Variants in SLC19A1 observed in about 807,000 individuals in gnomAD.
The protein encoded by SLC19A1 is solute carrier family 19 member 1, also known as reduced folate transporter.
SLC19A1 carries 37 observed loss-of-function variants against 35.3 expected under a neutral mutation model. The observed-to-expected ratio is 1.05, with a 90% CI of 0.81 to 1.38. The LOEUF (loss-of-function observed/expected upper bound fraction) is 1.38, where lower values mean the gene tolerates loss of function less well. Ranked by LOEUF, SLC19A1 falls within the 40% of genes most tolerant of loss-of-function variation. SLC19A1 has a pLI of 0.00. For missense variants in SLC19A1, 831 were observed against 826.9 expected (o/e 1.00, Z -0.06); for synonymous variants, 460 against 398.5 (o/e 1.15, Z -1.84).
At chr21:45,555,203 GCA>G (rs1326256719) in intron 1 of SLC19A1, among the ~76,000 whole-genome samples, 1 of 35,848 alleles carries the variant, frequency 2.8e-5, no homozygotes, top group Non-Finnish European at 5.2e-5. Context: ...CGGGGGCGGC[GCA>G]GGGGGCGGTG....
At chr21:45,539,513 C>T (rs532754687) in intron 1 of SLC19A1, among the ~76,000 whole-genome samples, 4 of 152,190 alleles carry the variant, frequency 2.6e-5, no homozygotes, top group African/African-American at 7.2e-5. Context: ...GAGCATCCCT[C>T]GATGTGGGGC....
intron 4 of SLC19A1, among the ~76,000 whole-genome samples, chr21:45,528,050 C>T (rs2146316955): frequency 6.6e-6 from 1 of 150,984 alleles, no homozygotes; most frequent in East Asian, 2.0e-4. Context: ...GGTGTCTGTG[C>T]TGCTGGGCAC....
intron 1 of SLC19A1, among the ~76,000 whole-genome samples, chr21:45,552,587 C>T (rs567982169): frequency 4.6e-5 from 7 of 152,324 alleles, no homozygotes; most frequent in South Asian, 2.1e-4. Context: ...TGCTATAATC[C>T]GCAGTCACCA....
downstream of SLC19A1, chr21:45,507,620 T>C: frequency 7.5e-6 from 12 of 1,610,128 alleles, no homozygotes; most frequent in Non-Finnish European, 1.0e-5. Context: ...CTGTTGAGAC[T>C]GGTGGGTGGT....
chr21:45,535,024 G>A (rs766027441), intron 2 of SLC19A1, among the ~76,000 whole-genome samples: 5 of 152,276 alleles, frequency 3.3e-5, no homozygotes, highest in Non-Finnish European at 7.3e-5. Flanking sequence ...AGGTGGGCAA[G>A]GCCCGAAGGC....
chr21:45,553,083 T>C (rs763303435), intron 1 of SLC19A1, among the ~76,000 whole-genome samples: 2 of 152,054 alleles, frequency 1.3e-5, no homozygotes, highest in Non-Finnish European at 2.9e-5. Flanking sequence ...GTGGCCAGGC[T>C]CAGGGCTGGG....
chr21:45,514,042 G>A lies in SLC19A1; in HGVS notation c.*1616C>T, dbSNP rs922866376. ...TCCTGACAGCCATCCCTGTCCTGGT[G>A]GACGGGTGAGTGCAGGACTCAGAGG... On this transcript the variant is annotated 3_prime_UTR_variant, in exon 6 of 6. Coordinates refer to ENST00000311124, the MANE Select transcript of SLC19A1 (RefSeq NM_194255.4). The A allele has an allele frequency of 6.6e-6, 1 of 152,416 alleles. No individual in the cohort carries two copies. The highest frequency in any genetic ancestry group is 2.4e-5 in the African/African-American group (1 of 41,460). 9.4% of individuals were successfully genotyped at this position (152,416 alleles called of 1,614,324 possible).
intron 1 of SLC19A1, among the ~76,000 whole-genome samples, chr21:45,559,674 C>T (rs1371255417): frequency 6.6e-6 from 1 of 152,220 alleles, no homozygotes; most frequent in East Asian, 1.9e-4. Context: ...CGCGAGTTTT[C>T]TCACTTACTG....
chr21:45,510,015 G>A (rs765508151), downstream of SLC19A1: 6 of 1,529,822 alleles, frequency 3.9e-6, no homozygotes, highest in Admixed American at 2.0e-5. Context: ...GGGCCTGGGT[G>A]CAGGGGGCAG....
In SLC19A1 at chr21:45,514,480, C is replaced by T. The variant is rs1015760201; in HGVS notation, c.*1178G>A. Reference sequence around the variant, plus strand: ...GCCCCTCCCCAGCCAGAGATTCTCTCCCCAGCTCTCCGTGCTGAGCAGCCA... The same window carrying T: ...GCCCCTCCCCAGCCAGAGATTCTCTTCCCAGCTCTCCGTGCTGAGCAGCCA... On this transcript the variant is annotated 3_prime_UTR_variant, in exon 6 of 6. Coordinates refer to ENST00000311124, the MANE Select transcript of SLC19A1 (RefSeq NM_194255.4). 7.1e-6 allele frequency: 1 copy of T among 141,294 alleles called. No individual in the cohort carries two copies. Among genetic ancestry groups the T allele is most frequent in the Non-Finnish European group, 1.5e-5 (1 of 65,670 alleles). 8.8% of individuals were successfully genotyped at this position (141,294 alleles called of 1,614,324 possible).
At chr21:45,519,214 C>T (rs1431317138) in intron 5 of SLC19A1, among the ~76,000 whole-genome samples, 1 of 151,916 alleles carries the variant, frequency 6.6e-6, no homozygotes. Flanking sequence ...AATAGATAAA[C>T]CAAACAAAAT....
chr21:45,555,845 G>A (rs2078555963), intron 1 of SLC19A1, among the ~76,000 whole-genome samples: 1 of 152,148 alleles, frequency 6.6e-6, no homozygotes, highest in Non-Finnish European at 1.5e-5. Flanking sequence ...CGGACCCTGA[G>A]GCAGGATCCA....
downstream of SLC19A1, among the ~76,000 whole-genome samples, chr21:45,510,478 G>A (rs1475439471): frequency 6.6e-6 from 1 of 152,152 alleles, no homozygotes; most frequent in Non-Finnish European, 1.5e-5. Context: ...ACGTCCCCCA[G>A]GGCATCCCAT....
chr21:45,505,099 G>A (rs2037112230), intron 3 of SLC19A1: 1 of 1,600,728 alleles, frequency 6.2e-7, no homozygotes, highest in Non-Finnish European at 8.5e-7. Context: ...CAGGGCACGA[G>A]GTAACCAGGA....
rs7867 is a variant in SLC19A1, at chr21:45,512,738, G to A, written c.*2920C>T. On this transcript the variant is annotated 3_prime_UTR_variant, in exon 6 of 6. Transcript: ENST00000311124. ...TCTCCAGGATTTCCTGCTTTGGGAA[G>A]CCGTGCTCGCCCCAGCAGGTGCTGA... 0.46 allele frequency: 180,161 copies of A among 395,724 alleles called. 41,587 individuals are homozygous for A. The highest frequency in any genetic ancestry group is 0.57 in the East Asian group (9,768 of 17,120). The allele number at this position is 395,724 out of a possible 1,614,324, so 24.5% of individuals were successfully genotyped here. A position where few individuals can be genotyped will look rare whatever the true frequency, so the allele number is the denominator to read the frequency against.
In SLC19A1 at chr21:45,514,842, A is replaced by T; in HGVS notation, c.*816T>A. On this transcript the variant is annotated 3_prime_UTR_variant, in exon 6 of 6. Coordinates refer to ENST00000311124, the MANE Select transcript of SLC19A1 (RefSeq NM_194255.4). The stretch of plus-strand genomic sequence containing the variant: ...GCTGGGACGTACTTCCCCAGCGCCC[A>T]CCACAAAGGCAGCCCCCCCAAGGCT... 1.6e-6 allele frequency: 1 copy of T among 635,734 alleles called. No homozygotes were observed. Among genetic ancestry groups the T allele is most frequent in the Non-Finnish European group, 2.6e-6 (1 of 389,300 alleles). The allele number at this position is 635,734 out of a possible 1,614,324, so 39.4% of individuals were successfully genotyped here. A position where few individuals can be genotyped will look rare whatever the true frequency, so the allele number is the denominator to read the frequency against.
chr21:45,533,587 A>G lies in SLC19A1; in HGVS notation c.190-1439T>C, dbSNP rs796806128. Among the ~76,000 whole-genome samples the G allele has an allele frequency of 6.6e-6, 1 of 151,408 alleles. No homozygotes were observed. Among genetic ancestry groups the G allele is most frequent in the South Asian group, 2.1e-4 (1 of 4,788 alleles). On this transcript the variant is annotated intron_variant, in intron 2 of 5. Transcript: ENST00000311124. The surrounding 1 kb of genome is among the most constrained non-coding windows in gnomAD (Gnocchi z 4.5). ...CCGCCCACAGGCCCCACCAGACCCC[A>G]CCTCAGATCCACTGGAGGTTGGTAC... is the stretch of plus-strand genomic sequence containing the variant.
At chr21:45,520,346 A>G (rs1018428530) in intron 5 of SLC19A1, among the ~76,000 whole-genome samples, 6 of 152,214 alleles carry the variant, frequency 3.9e-5, no homozygotes, top group African/African-American at 1.2e-4. Context: ...CACTAAGTCA[A>G]GAAAAAGAAA....
At chr21:45,532,650 G>A (rs537587825) in intron 2 of SLC19A1, among the ~76,000 whole-genome samples, 2 of 152,218 alleles carry the variant, frequency 1.3e-5, no homozygotes, top group Middle Eastern at 3.4e-3. Flanking sequence ...GGGCAGGCTG[G>A]TCTCGAACTC....
Sources: gnomAD v4.1 joint callset for allele counts (sites outside exome capture counted in the v4.1 genomes callset) on GRCh38, gnomAD v4.1.1 for gene constraint, Gnocchi (gnomAD v3.1) non-coding constraint, MANE v1.5 for transcripts, NCBI Gene and HGNC (gene_info 2026-07-23, HGNC 2026-07-21) for gene names.